Variants in GPR39 observed in about 807,000 individuals in gnomAD.
The protein encoded by GPR39 is G protein-coupled receptor 39, also known as zinc sensing receptor.
Under a neutral mutation model 18.4 loss-of-function variants are expected in GPR39, and 23 were observed. The ratio of observed to expected loss-of-function variants is 1.25; its 90% CI spans 0.90 to 1.77. The LOEUF (loss-of-function observed/expected upper bound fraction) is 1.77. Ranked by LOEUF, GPR39 falls within the 40% of genes most tolerant of loss-of-function variation. The pLI, the probability that GPR39 is intolerant of heterozygous loss-of-function variation, is 0.00. For synonymous variants in GPR39, 280 were observed against 257.9 expected (o/e 1.09, Z -0.82); for missense variants, 647 against 602.4 (o/e 1.07, Z -0.78).
At chr2:132,612,938 G>A (rs1364902976) in intron 1 of GPR39, among the ~76,000 whole-genome samples, 1 of 152,062 alleles carries the variant, frequency 6.6e-6, no homozygotes, top group Non-Finnish European at 1.5e-5. Flanking sequence ...CATGGACATG[G>A]TATACCCCTG....
At chr2:132,621,984 C>T (rs950408058) in intron 1 of GPR39, among the ~76,000 whole-genome samples, 1 of 152,126 alleles carries the variant, frequency 6.6e-6, no homozygotes, top group African/African-American at 2.4e-5. Context: ...ATAGAGATGG[C>T]CACCTGTCCA....
intron 1 of GPR39, among the ~76,000 whole-genome samples, chr2:132,525,254 C>G (rs1679487819): frequency 6.6e-6 from 1 of 152,226 alleles, no homozygotes; most frequent in East Asian, 1.9e-4. Flanking sequence ...GAGCACGAGG[C>G]TGAAGGCTCA....
At chr2:132,617,499 A>G (rs1573700782) in intron 1 of GPR39, among the ~76,000 whole-genome samples, 2 of 152,260 alleles carry the variant, frequency 1.3e-5, no homozygotes, top group East Asian at 3.9e-4. Flanking sequence ...TTTCTTTCAT[A>G]TATTAATAAC....
chr2:132,598,899 A>C (rs1469216137), intron 1 of GPR39, among the ~76,000 whole-genome samples: 2 of 152,216 alleles, frequency 1.3e-5, no homozygotes, highest in African/African-American at 4.8e-5. Flanking sequence ...CAGGTCAGGC[A>C]CATGGAGAGC....
At chr2:132,586,410 G>A (rs1302516212) in intron 1 of GPR39, among the ~76,000 whole-genome samples, 1 of 152,164 alleles carries the variant, frequency 6.6e-6, no homozygotes, top group Non-Finnish European at 1.5e-5. Flanking sequence ...AGGCGTGCTG[G>A]CTGACCAAAC....
chr2:132,562,878 A>G (rs1680279675), intron 1 of GPR39, among the ~76,000 whole-genome samples: 1 of 152,122 alleles, frequency 6.6e-6, no homozygotes, highest in Non-Finnish European at 1.5e-5. Flanking sequence ...TGTTAGGGCA[A>G]AAGACTTAAG....
intron 1 of GPR39, among the ~76,000 whole-genome samples, chr2:132,444,298 AT>A (rs532102745): frequency 0.01 from 1,549 of 148,798 alleles, 28 homozygotes; most frequent in African/African-American, 0.036. Context: ...CATTATGGGA[AT>A]TTTTTTTTTT....
chr2:132,487,026 A>G (rs954042758), intron 1 of GPR39, among the ~76,000 whole-genome samples: 4 of 152,178 alleles, frequency 2.6e-5, no homozygotes, highest in Non-Finnish European at 5.9e-5. Flanking sequence ...TCATTGTAGC[A>G]TTATTGATTG....
At chr2:132,581,880 T>A (rs1426899162) in intron 1 of GPR39, among the ~76,000 whole-genome samples, 2 of 152,180 alleles carry the variant, frequency 1.3e-5, no homozygotes, top group Non-Finnish European at 2.9e-5. Flanking sequence ...TAAGAATGCG[T>A]GTGGCATGAA....
intron 1 of GPR39, among the ~76,000 whole-genome samples, chr2:132,452,343 C>A (rs1318872684): frequency 3.9e-5 from 6 of 152,106 alleles, no homozygotes; most frequent in African/African-American, 1.4e-4. Flanking sequence ...TGAGTTACAC[C>A]TTTAAATATT....
chr2:132,537,014 C>G (rs998912270), intron 1 of GPR39, among the ~76,000 whole-genome samples: 2 of 152,188 alleles, frequency 1.3e-5, no homozygotes, highest in Non-Finnish European at 2.9e-5. Flanking sequence ...GGTCTTGACT[C>G]TTTATCCAAT....
chr2:132,423,259 C>T (rs1182364827), intron 1 of GPR39, among the ~76,000 whole-genome samples: 2 of 152,046 alleles, frequency 1.3e-5, no homozygotes, highest in Admixed American at 6.5e-5. Flanking sequence ...GAATAGCTGT[C>T]TTCTCATTGT....
intron 1 of GPR39, among the ~76,000 whole-genome samples, chr2:132,510,888 A>G (rs1368743499): frequency 6.6e-6 from 1 of 152,212 alleles, no homozygotes; most frequent in Non-Finnish European, 1.5e-5. Flanking sequence ...GTATATAAGG[A>G]TAGCTCCTGA....
At chr2:132,463,626 G>A (rs755937529) in intron 1 of GPR39, among the ~76,000 whole-genome samples, 23 of 152,090 alleles carry the variant, frequency 1.5e-4, no homozygotes, top group Non-Finnish European at 1.2e-4. Context: ...GTTAAACTCA[G>A]TTTATAAAAT....
chr2:132,487,808 C>T (rs1268263306), intron 1 of GPR39, among the ~76,000 whole-genome samples: 5 of 151,778 alleles, frequency 3.3e-5, no homozygotes. Context: ...AGAAAGTTTA[C>T]AGATATCTAA....
chr2:132,458,812 A>C (rs1181289745), intron 1 of GPR39, among the ~76,000 whole-genome samples: 1 of 151,794 alleles, frequency 6.6e-6, no homozygotes, highest in East Asian at 2.0e-4. Context: ...TTTAGCCTTC[A>C]CCTCTGTCCA....
At chr2:132,632,958 A>G (rs571039038) in intron 1 of GPR39, among the ~76,000 whole-genome samples, 1 of 152,228 alleles carries the variant, frequency 6.6e-6, no homozygotes, top group African/African-American at 2.4e-5. Flanking sequence ...CACAGTTAAT[A>G]AGTAGTGGGG....
chr2:132,507,450 A>C (rs757605901), intron 1 of GPR39, among the ~76,000 whole-genome samples: 1 of 152,150 alleles, frequency 6.6e-6, no homozygotes, highest in South Asian at 2.1e-4. Flanking sequence ...TGAGCATTTC[A>C]CTTGTGTTTT....
chr2:132,481,936 G>C (rs1162219533), intron 1 of GPR39, among the ~76,000 whole-genome samples: 1 of 152,182 alleles, frequency 6.6e-6, no homozygotes, highest in Non-Finnish European at 1.5e-5. Context: ...TCAAAGAAGA[G>C]TACCTTATTT....
Sources: gnomAD v4.1 joint callset for allele counts (sites outside exome capture counted in the v4.1 genomes callset) on GRCh38, gnomAD v4.1.1 for gene constraint, MANE v1.5 for transcripts, NCBI Gene and HGNC (gene_info 2026-07-23, HGNC 2026-07-21) for gene names.